The following CTNNA1 variants were observed in gnomAD, a reference collection of about 807,000 sequenced individuals.
CTNNA1 encodes the protein catenin alpha-1.
A neutral mutation model predicts 98.4 loss-of-function variants in CTNNA1; 37 were observed. That is an observed-to-expected ratio of 0.38 (90% CI 0.29 to 0.49). CTNNA1 has a LOEUF of 0.49. Ranked by LOEUF, CTNNA1 falls within the 20% of genes least tolerant of loss-of-function variation. CTNNA1 has a pLI of 0.95. For missense variants in CTNNA1, 761 were observed against 1,147.2 expected (o/e 0.66, Z 4.86); for synonymous variants, 404 against 413.2 (o/e 0.98, Z 0.27).
At chr5:138,917,539 G>T (rs1330318679) in intron 10 of CTNNA1, among the ~76,000 whole-genome samples, 1 of 150,900 alleles carries the variant, frequency 6.6e-6, no homozygotes, top group Non-Finnish European at 1.5e-5. Flanking sequence ...GTTTTTATTT[G>T]TTTTATCATT....
intron 6 of CTNNA1, among the ~76,000 whole-genome samples, chr5:138,825,478 A>G (rs1581170624): frequency 4.4e-5 from 1 of 22,874 alleles, no homozygotes; most frequent in Non-Finnish European, 8.0e-5. Context: ...TGGCAGCAGT[A>G]TAAGTTTTTT....
chr5:138,911,062 G>C (rs555462600), intron 10 of CTNNA1, among the ~76,000 whole-genome samples: 3 of 152,292 alleles, frequency 2.0e-5, no homozygotes, highest in African/African-American at 7.2e-5. Flanking sequence ...AACATAGTGA[G>C]ACCCTGTATC....
At chr5:138,884,914 T>C (rs1040025960) in intron 7 of CTNNA1, among the ~76,000 whole-genome samples, 9 of 152,138 alleles carry the variant, frequency 5.9e-5, no homozygotes, top group African/African-American at 2.2e-4. Flanking sequence ...CCATCAGTAT[T>C]AATGGAATAT....
rs751221688 is a variant in CTNNA1 at position 138,824,598 on chromosome 5, G to T, written c.657G>T (p.Pro219=). 1 of 1,614,048 alleles carries T rather than the reference G, an allele frequency of 6.2e-7. No individual in the cohort carries two copies. Among genetic ancestry groups the T allele is most frequent in the African/African-American group, 1.3e-5 (1 of 74,916 alleles). The change falls in exon 6 of 18, where the codon CCG becomes CCT. Residue 219 remains proline (P), a synonymous_variant. Coordinates refer to ENST00000302763, the MANE Select transcript of CTNNA1 (RefSeq NM_001903.5). ...AARGILQKNV[P]ILYTASQACL... ...GAGGAATCCTGCAGAAGAACGTTCCGATCCTCTATACTGCATCCCAGGCAT... is the reference window on the plus strand; with the variant it reads ...GAGGAATCCTGCAGAAGAACGTTCCTATCCTCTATACTGCATCCCAGGCAT...
intron 1 of CTNNA1, 87 bp downstream of exon 1, chr5:138,753,597 C>G (rs1580814836): frequency 3.0e-6 from 1 of 336,160 alleles, no homozygotes; most frequent in Non-Finnish European, 5.3e-6. Flanking sequence ...AGCTGGGCCC[C>G]GCGAGCCGCG....
intron 3 of CTNNA1, among the ~76,000 whole-genome samples, chr5:138,801,904 A>T (rs1351269143): frequency 6.6e-6 from 1 of 152,246 alleles, no homozygotes; most frequent in African/African-American, 2.4e-5. Context: ...CTAGCTATGC[A>T]GCTAGAACTA....
intron 3 of CTNNA1, among the ~76,000 whole-genome samples, chr5:138,804,301 GT>G (rs1757868504): frequency 6.6e-6 from 1 of 151,944 alleles, no homozygotes; most frequent in East Asian, 1.9e-4. Context: ...TTTCCTTTGT[GT>G]TTTTTGAGCT....
At chr5:138,839,125 A>AT (rs1033172999) in intron 7 of CTNNA1, among the ~76,000 whole-genome samples, 7 of 151,880 alleles carry the variant, frequency 4.6e-5, no homozygotes, top group African/African-American at 1.7e-4. Context: ...CATGATTTCA[A>AT]TTTTTTTTAA....
At chr5:138,779,127 C>A (rs182831569) in intron 1 of CTNNA1, among the ~76,000 whole-genome samples, 2 of 152,284 alleles carry the variant, frequency 1.3e-5, no homozygotes, top group Non-Finnish European at 2.9e-5. Flanking sequence ...GATCCACCCA[C>A]TTTGGCCTCC....
chr5:138,755,629 C>A (rs1751549241), intron 1 of CTNNA1, among the ~76,000 whole-genome samples: 1 of 152,114 alleles, frequency 6.6e-6, no homozygotes, highest in South Asian at 2.1e-4. Context: ...TCTGTGCAGT[C>A]TCTTCTGTCA....
intron 1 of CTNNA1, among the ~76,000 whole-genome samples, chr5:138,764,587 T>G (rs1306054210): frequency 6.6e-6 from 1 of 151,864 alleles, no homozygotes; most frequent in Admixed American, 6.6e-5. Flanking sequence ...TTCTCCTGCC[T>G]TAGCCTCCCG....
chr5:138,901,551 A>G (rs1049075690), intron 9 of CTNNA1, among the ~76,000 whole-genome samples: 2 of 152,204 alleles, frequency 1.3e-5, no homozygotes, highest in African/African-American at 4.8e-5. Context: ...CAGCCTTCCA[A>G]TTAGCTGGGA....
chr5:138,915,457 T>C (rs1761535064), intron 10 of CTNNA1, among the ~76,000 whole-genome samples: 1 of 152,240 alleles, frequency 6.6e-6, no homozygotes. Context: ...TAGGGCACTG[T>C]AACCCTCATA....
chr5:138,781,215 A>G (rs981131135), intron 1 of CTNNA1, among the ~76,000 whole-genome samples: 2 of 152,188 alleles, frequency 1.3e-5, no homozygotes, highest in African/African-American at 4.8e-5. Context: ...GGAGTAGGAA[A>G]AATCAGGATC....
intron 9 of CTNNA1, among the ~76,000 whole-genome samples, chr5:138,891,578 G>A (rs139068545): frequency 0.011 from 1,749 of 152,198 alleles, 39 homozygotes; most frequent in African/African-American, 0.04. Flanking sequence ...CTGGCTACAT[G>A]GTGAAACCCC....
At chr5:138,901,154 CCTCTTTT>C (rs1292273402) in intron 9 of CTNNA1, among the ~76,000 whole-genome samples, 1 of 152,104 alleles carries the variant, frequency 6.6e-6, no homozygotes, top group African/African-American at 2.4e-5. Flanking sequence ...CCTCCCCTCC[CCTCTTTT>C]CTCTTTTCTC....
At chr5:138,867,754 T>A (rs928279642) in intron 7 of CTNNA1, among the ~76,000 whole-genome samples, 11 of 151,438 alleles carry the variant, frequency 7.3e-5, no homozygotes, top group Non-Finnish European at 1.6e-4. Flanking sequence ...TTTCTTTTTT[T>A]TTTTTTCTTT....
intron 17 of CTNNA1, 61 bp from the exon 18 acceptor site, chr5:138,933,741 C>G: frequency 6.4e-7 from 1 of 1,562,638 alleles, no homozygotes. Flanking sequence ...GCACAGCCCA[C>G]CTGTGTCCAC....
chr5:138,905,254 C>T (rs1205602056), intron 10 of CTNNA1, among the ~76,000 whole-genome samples: 1 of 152,154 alleles, frequency 6.6e-6, no homozygotes, highest in Non-Finnish European at 1.5e-5. Context: ...CACACCACTG[C>T]ACTCCAGCCT....
Sources: gnomAD v4.1 joint callset for allele counts (sites outside exome capture counted in the v4.1 genomes callset) on GRCh38, gnomAD v4.1.1 for gene constraint, MANE v1.5 for transcripts, NCBI Gene and HGNC (gene_info 2026-07-23, HGNC 2026-07-21) for gene names.